The following PCDHGA8 variants were observed in gnomAD, a reference collection of about 807,000 sequenced individuals.
PCDHGA8 encodes the protein protocadherin gamma subfamily A, 8, also known as protocadherin gamma-A8.
In PCDHGA8, 45 loss-of-function variants were observed where a neutral mutation model predicts 59.2. That is an observed-to-expected ratio of 0.76 (90% CI 0.60 to 0.98). The LOEUF (loss-of-function observed/expected upper bound fraction) is 0.98. Among genes scored for constraint, PCDHGA8 ranks in the 50% least tolerant of loss-of-function variants. PCDHGA8 has a pLI of 0.00. For synonymous variants in PCDHGA8, 531 were observed against 519.0 expected (o/e 1.02, Z -0.32); for missense variants, 1,257 against 1,196.2 (o/e 1.05, Z -0.75).
chr5:141,410,402 A>G, intron 1 of PCDHGA8: 1 of 1,614,008 alleles, frequency 6.2e-7, no homozygotes, highest in South Asian at 1.1e-5. Flanking sequence ...TCTCTGTGTC[A>G]AGTCTGGACC....
chr5:141,477,710 GA>G lies in PCDHGA8; in HGVS notation c.2425-17095del. ...GCCCCTAGACTATGAGGATCGGCGG[GA>G]ATTTGAATTAACAGCTCATATCAGC... On this transcript the variant is annotated intron_variant, in intron 1 of 3. Coordinates refer to ENST00000398604, the MANE Select transcript of PCDHGA8 (RefSeq NM_032088.2). This position sits in a 1 kb window ranked among gnomAD's most constrained non-coding sequence, Gnocchi z 4.9. 2 of 1,613,918 alleles carry G rather than the reference GA, an allele frequency of 1.2e-6. No individual in the cohort carries two copies. Among genetic ancestry groups the G allele is most frequent in the Non-Finnish European group, 1.7e-6 (2 of 1,180,044 alleles).
intron 1 of PCDHGA8, chr5:141,440,968 T>A (rs1487107428): frequency 6.6e-6 from 1 of 152,198 alleles, no homozygotes; most frequent in African/African-American, 2.4e-5. Flanking sequence ...AGATCACATA[T>A]GGCTTCACAA....
At chr5:141,418,347 G>A in intron 1 of PCDHGA8, 1 of 1,614,024 alleles carries the variant, frequency 6.2e-7, no homozygotes, top group Non-Finnish European at 8.5e-7. Flanking sequence ...CCTGATATTA[G>A]TATGAATTCG....
Position 141,431,075 on chromosome 5 carries a change from C to G in PCDHGA8, c.2424+35838C>G. ...GGGGGCCATCAAGTGTCAATTAAAT[C>G]TAGACATTCTGATGGAGGATAAAGT... is the stretch of plus-strand genomic sequence containing the variant. On this transcript the variant is annotated intron_variant, in intron 1 of 3. Coordinates refer to ENST00000398604, the MANE Select transcript of PCDHGA8 (RefSeq NM_032088.2). The surrounding 1 kb of genome is among the most constrained non-coding windows in gnomAD (Gnocchi z 4.8). 1 of 1,614,156 alleles carries G rather than the reference C, an allele frequency of 6.2e-7. No homozygotes were observed. Among genetic ancestry groups the G allele is most frequent in the Non-Finnish European group, 8.5e-7 (1 of 1,179,984 alleles).
chr5:141,412,930 C>A, intron 1 of PCDHGA8: 1 of 451,594 alleles, frequency 2.2e-6, no homozygotes, highest in Non-Finnish European at 3.9e-6. Context: ...GCAGTAACTT[C>A]TTAGGACTCT....
intron 1 of PCDHGA8, 98 bp downstream of exon 1, chr5:141,395,335 T>C (rs2093216572): frequency 6.9e-7 from 1 of 1,441,668 alleles, no homozygotes; most frequent in Non-Finnish European, 9.2e-7. Flanking sequence ...GAAAATAATT[T>C]TTAAGGTGTA....
At chr5:141,505,028 G>A (rs2099842951) in intron 2 of PCDHGA8, among the ~76,000 whole-genome samples, 1 of 152,164 alleles carries the variant, frequency 6.6e-6, no homozygotes, top group Admixed American at 6.5e-5. Flanking sequence ...CTGGCACAGT[G>A]GCAGGTGCCT....
intron 1 of PCDHGA8, chr5:141,408,283 C>A: frequency 6.2e-7 from 1 of 1,612,756 alleles, no homozygotes; most frequent in Non-Finnish European, 8.5e-7. Context: ...TGTTCTACCC[C>A]ACCCTGAGTG....
At chr5:141,474,998 T>C (rs1029967243) in intron 1 of PCDHGA8, among the ~76,000 whole-genome samples, 1 of 152,260 alleles carries the variant, frequency 6.6e-6, no homozygotes, top group Non-Finnish European at 1.5e-5. Context: ...CAATTCTAAA[T>C]GCAGAAAAGT....
At chr5:141,427,659 G>A (rs546743297) in intron 1 of PCDHGA8, 3 of 742,336 alleles carry the variant, frequency 4.0e-6, no homozygotes, top group East Asian at 5.3e-5. Context: ...CGTGGTCCAC[G>A]TGGCCGAAAA....
At chr5:141,409,545 A>G in intron 1 of PCDHGA8, 1 of 1,613,938 alleles carries the variant, frequency 6.2e-7, no homozygotes, top group African/African-American at 1.3e-5. Flanking sequence ...ATCAACGACA[A>G]CGCCCCAGTT....
At chr5:141,421,618 G>T (rs748399893) in intron 1 of PCDHGA8, 1 of 1,613,766 alleles carries the variant, frequency 6.2e-7, no homozygotes, top group Non-Finnish European at 8.5e-7. Flanking sequence ...TAATGATAAC[G>T]CCCCCAGCTT....
At chr5:141,506,191 C>T (rs932500250) in intron 3 of PCDHGA8, among the ~76,000 whole-genome samples, 8 of 152,182 alleles carry the variant, frequency 5.3e-5, no homozygotes, top group African/African-American at 1.9e-4. Flanking sequence ...TGGCTCACGC[C>T]TGTAATCCCA....
At position 141,476,792 on chromosome 5, in the gene PCDHGA8, G is replaced by T. The variant is rs376910320; in HGVS notation, c.2425-18015G>T. ...GGACGGAGGGACCCCAGCTCTCTCC[G>T]CCAGCCTGCCTATTCACATCAAGGT... On this transcript the variant is annotated intron_variant, in intron 1 of 3. Coordinates refer to ENST00000398604, the MANE Select transcript of PCDHGA8 (RefSeq NM_032088.2). The surrounding 1 kb of genome is among the most constrained non-coding windows in gnomAD (Gnocchi z 7.6). 4.3e-6 allele frequency: 7 copies of T among 1,612,720 alleles called. No individual in the cohort carries two copies. Among genetic ancestry groups the T allele is most frequent in the Non-Finnish European group, 5.1e-6 (6 of 1,179,958 alleles).
At chr5:141,418,848 G>C (rs770294020) in intron 1 of PCDHGA8, 1 of 1,613,836 alleles carries the variant, frequency 6.2e-7, no homozygotes, top group Non-Finnish European at 8.5e-7. Flanking sequence ...CTCTCAACAC[G>C]GTGTAAAGTA....
intron 1 of PCDHGA8, chr5:141,400,199 C>G (rs1561675523): frequency 2.5e-6 from 4 of 1,614,048 alleles, no homozygotes; most frequent in Admixed American, 1.7e-5. Flanking sequence ...CTAGTGGTGG[C>G]CTTGGCCTTG....
At position 141,432,001 on chromosome 5, in the gene PCDHGA8, G is replaced by T. The variant is rs755338230; in HGVS notation, c.2424+36764G>T. On this transcript the variant is annotated intron_variant, in intron 1 of 3. Coordinates refer to ENST00000398604, the MANE Select transcript of PCDHGA8 (RefSeq NM_032088.2). This position sits in a 1 kb window ranked among gnomAD's most constrained non-coding sequence, Gnocchi z 6.0. Reference sequence around the variant, plus strand: ...CAGACATAGTCTTGGATAGGGAACAGGTTCCTAGCTACAACATCACAGTGA... The same window carrying T: ...CAGACATAGTCTTGGATAGGGAACATGTTCCTAGCTACAACATCACAGTGA... 4 of 1,614,220 alleles carry T rather than the reference G, an allele frequency of 2.5e-6. No homozygotes were observed. In the East Asian group the frequency reaches 8.9e-5, roughly 36 times the overall value.
chr5:141,439,629 A>G (rs1262264623), intron 1 of PCDHGA8, among the ~76,000 whole-genome samples: 1 of 152,208 alleles, frequency 6.6e-6, no homozygotes, highest in East Asian at 1.9e-4. Flanking sequence ...CAATCCCCAG[A>G]CATTCCGGCT....
intron 1 of PCDHGA8, among the ~76,000 whole-genome samples, chr5:141,445,924 A>G (rs1451439271): frequency 6.6e-6 from 1 of 152,184 alleles, no homozygotes; most frequent in Non-Finnish European, 1.5e-5. Flanking sequence ...GTGACAAGAT[A>G]TTTGAATTAT....
Sources: allele counts gnomAD v4.1 joint callset (sites outside exome capture counted in the v4.1 genomes callset), GRCh38; gene constraint gnomAD v4.1.1; non-coding constraint Gnocchi (gnomAD v3.1); transcripts MANE v1.5; gene names NCBI Gene and HGNC (gene_info 2026-07-23, HGNC 2026-07-21).